CAPS2: variants seen among roughly 807,000 people sequenced by gnomAD.
CAPS2 encodes the protein calcyphosine 2.
Under a neutral mutation model 86.5 loss-of-function variants are expected in CAPS2, and 98 were observed. The ratio of observed to expected loss-of-function variants is 1.13; its 90% CI spans 0.96 to 1.34. The LOEUF (loss-of-function observed/expected upper bound fraction) is 1.34. Ranked by LOEUF, CAPS2 falls within the 40% of genes most tolerant of loss-of-function variation. The pLI is 0.00. For missense variants in CAPS2, 729 were observed against 686.8 expected, an observed-to-expected ratio of 1.06 and a Z score of -0.69; for synonymous variants, 210 against 225.1, an observed-to-expected ratio of 0.93 and a Z score of 0.60.
intron 1 of CAPS2, among the ~76,000 whole-genome samples, chr12:75,381,083 T>A (rs1593934182): frequency 1.3e-5 from 2 of 152,278 alleles, no homozygotes; most frequent in South Asian, 4.1e-4. Context: ...TTGAATTGTA[T>A]CTCCCAGAAT....
chr12:75,322,320 TG>T (rs1439485158), intron 4 of CAPS2, among the ~76,000 whole-genome samples: 2 of 152,088 alleles, frequency 1.3e-5, no homozygotes, highest in East Asian at 3.9e-4. Flanking sequence ...AAGGGCATAT[TG>T]TATTGACCTA....
chr12:75,295,576 C>T (rs1365823745), intron 11 of CAPS2, among the ~76,000 whole-genome samples: 2 of 152,196 alleles, frequency 1.3e-5, no homozygotes, highest in African/African-American at 2.4e-5. Flanking sequence ...CAGCTTATCA[C>T]ATTTAAATCC....
chr12:75,385,465 A>G (rs745548147), intron 1 of CAPS2, among the ~76,000 whole-genome samples: 4 of 152,152 alleles, frequency 2.6e-5, no homozygotes, highest in Non-Finnish European at 4.4e-5. Flanking sequence ...ATATTGATAA[A>G]GATATCAATA....
chr12:75,353,212 G>C (rs777760257), intron 1 of CAPS2, among the ~76,000 whole-genome samples: 2 of 152,038 alleles, frequency 1.3e-5, no homozygotes, highest in African/African-American at 2.4e-5. Context: ...CCAGGAGCTG[G>C]CTTTTTGAAA....
chr12:75,365,190 G>T (rs2043883781), intron 1 of CAPS2: 1 of 152,172 alleles, frequency 6.6e-6, no homozygotes, highest in African/African-American at 2.4e-5. Context: ...GGCTCAATGG[G>T]ATTCCAAATG....
chr12:75,348,396 G>A (rs2139406103), intron 1 of CAPS2, among the ~76,000 whole-genome samples: 1 of 152,300 alleles, frequency 6.6e-6, no homozygotes, highest in African/African-American at 2.4e-5. Flanking sequence ...GCAGAAATGT[G>A]TATATATCTC....
chr12:75,317,464 T>C lies in CAPS2; in HGVS notation c.469-1030A>G, dbSNP rs1365173520. On this transcript the variant is annotated intron_variant, in intron 5 of 16. Transcript: ENST00000393284. ...CATATATTTAAATATAAGCAAAGCA[T>C]TGTATTTTGTTCAGGTTGAAAACAC... Among the ~76,000 whole-genome samples the C allele has an allele frequency of 2.6e-5, 4 of 152,310 alleles. No individual in the cohort carries two copies. In the East Asian group the frequency reaches 5.8e-4, roughly 22 times the overall value.
At chr12:75,362,599 T>C (rs142663073) in intron 1 of CAPS2, among the ~76,000 whole-genome samples, 57 of 152,290 alleles carry the variant, frequency 3.7e-4, no homozygotes, top group African/African-American at 1.3e-3. Context: ...AACACATTTT[T>C]AAATCTTTCA....
At chr12:75,281,548 C>A (rs2033947337) in intron 16 of CAPS2, among the ~76,000 whole-genome samples, 1 of 151,850 alleles carries the variant, frequency 6.6e-6, no homozygotes, top group South Asian at 2.1e-4. Flanking sequence ...GTCAAAAAAA[C>A]TTCAAAAAGT....
chr12:75,301,571 T>TTAATATTAACCAGTATTAATATTGGTTA (rs2037822284), intron 8 of CAPS2, among the ~76,000 whole-genome samples: 1 of 152,246 alleles, frequency 6.6e-6, no homozygotes, highest in African/African-American at 2.4e-5. Flanking sequence ...ATTTAATACT[T>TTAATATTAACCAGTATTAATATTGGTTA]ATAATAACTC....
At chr12:75,344,248 C>G (rs1292912535) in intron 1 of CAPS2, among the ~76,000 whole-genome samples, 1 of 152,080 alleles carries the variant, frequency 6.6e-6, no homozygotes, top group Non-Finnish European at 1.5e-5. Flanking sequence ...GTGGGAAGTT[C>G]TCTTCAAGTT....
chr12:75,293,049 T>C (rs2036272188), intron 12 of CAPS2, among the ~76,000 whole-genome samples, 200 bp downstream of exon 12: 1 of 152,132 alleles, frequency 6.6e-6, no homozygotes, highest in Non-Finnish European at 1.5e-5. Context: ...AAATATTTCA[T>C]TGATTATAAC....
chr12:75,336,236 A>G lies in CAPS2; in HGVS notation c.-394-13014T>C, dbSNP rs118142430. ...AAGAAGTAGAGCTAAAAATCCAGTA[A>G]GTAGAATACTAAAGTCCTTGATTAA... On this transcript the variant is annotated intron_variant, in intron 1 of 5. Transcript: ENST00000551829. 3.9e-3 allele frequency among the ~76,000 whole-genome samples: 600 copies of G among 152,026 alleles called. 1 individual carries two copies. The highest frequency in any genetic ancestry group is 6.0e-3 in the Non-Finnish European group (409 of 67,800).
At chr12:75,324,871 CA>C (rs1565912179) in intron 2 of CAPS2, among the ~76,000 whole-genome samples, 2 of 151,920 alleles carry the variant, frequency 1.3e-5, no homozygotes, top group Non-Finnish European at 2.9e-5. Flanking sequence ...AATTAAAGCA[CA>C]GACATAATTA....
In CAPS2 at chr12:75,299,889, T is replaced by C. The variant is rs760497161; in HGVS notation, c.802A>G (p.Thr268Ala). The C allele has an allele frequency of 6.6e-7, 1 of 1,515,940 alleles. No homozygotes were observed. The highest frequency in any genetic ancestry group is 1.4e-5 in the African/African-American group (1 of 71,992). 93.9% of individuals were successfully genotyped at this position (1,515,940 alleles called of 1,614,324 possible). A position where few individuals can be genotyped will look rare whatever the true frequency, so the allele number is the denominator to read the frequency against. Reference sequence around the variant, plus strand: ...AATTTATGAGAAAGCACATTTTCAGTTAATGTAGAATGAGTTCTTATCCTG... The same window carrying C: ...AATTTATGAGAAAGCACATTTTCAGCTAATGTAGAATGAGTTCTTATCCTG... Residue 268 changes from threonine (T) to alanine (A), a missense_variant, in exon 9 of 17, where the codon ACT becomes GCT. Coordinates refer to ENST00000393284, the Ensembl canonical transcript of CAPS2.
intron 5 of CAPS2, among the ~76,000 whole-genome samples, chr12:75,316,828 T>C (rs1190490205): frequency 6.6e-6 from 1 of 152,136 alleles, no homozygotes; most frequent in African/African-American, 2.4e-5. Flanking sequence ...GCATGTCTAC[T>C]CCATTATAAA....
rs2044849476 is a variant in CAPS2, at chr12:75,379,651, C to T, written c.-395+11187G>A. Among the ~76,000 whole-genome samples, 3 of 151,978 alleles carry T rather than the reference C, an allele frequency of 2.0e-5. 1 individual carries two copies. Among genetic ancestry groups the T allele is most frequent in the Admixed American group, 2.0e-4 (3 of 15,262 alleles). On this transcript the variant is annotated intron_variant, in intron 1 of 5. Transcript: ENST00000551829. ...TGCATTTTTCAGGAGATTCTCTCGT[C>T]CTGCTAGGACAAGTTTGGGTTGTCA...
Position 75,304,747 on chromosome 12 carries a change from A to C in CAPS2, c.779+10T>G. The C allele has an allele frequency of 6.4e-7, 1 of 1,562,818 alleles. No homozygotes were observed. On this transcript the variant is annotated intron_variant, in intron 8 of 16. Coordinates refer to ENST00000393284, the Ensembl canonical transcript of CAPS2. Reference sequence around the variant, plus strand: ...TGCATCCTCATTTTATGTAATTAAAATCTTCTTACTTTGTTTCATGTAGTG... The same window carrying C: ...TGCATCCTCATTTTATGTAATTAAACTCTTCTTACTTTGTTTCATGTAGTG...
chr12:75,385,767 T>C (rs2045258771), intron 1 of CAPS2, among the ~76,000 whole-genome samples: 1 of 152,226 alleles, frequency 6.6e-6, no homozygotes, highest in African/African-American at 2.4e-5. Context: ...ACGAGGTTAA[T>C]ATAGAAAAGT....
Sources: allele counts gnomAD v4.1 joint callset (sites outside exome capture counted in the v4.1 genomes callset), GRCh38; gene constraint gnomAD v4.1.1; transcripts MANE v1.5; gene names NCBI Gene and HGNC (gene_info 2026-07-23, HGNC 2026-07-21).